CLASP2: variants seen among roughly 807,000 people sequenced by gnomAD.
CLASP2 encodes CLIP-associating protein 2.
CLASP2 carries 47 observed loss-of-function variants against 194.4 expected under a neutral mutation model. The observed-to-expected ratio is 0.24, with a 90% CI of 0.19 to 0.31. The LOEUF is 0.31. CLASP2 is among the 10% of genes least tolerant of loss of function. The pLI is 1.00. For synonymous variants in CLASP2, 619 were observed against 633.5 expected (o/e 0.98, Z 0.34); for missense variants, 1,445 against 1,823.6 (o/e 0.79, Z 3.78).
chr3:33,692,395 T>G (rs1280332455), intron 2 of CLASP2, among the ~76,000 whole-genome samples: 2 of 152,172 alleles, frequency 1.3e-5, no homozygotes, highest in East Asian at 3.8e-4. Context: ...CACTTTAATA[T>G]TAAAAACCAT....
In CLASP2 at chr3:33,604,050, A is replaced by C. The variant is rs1002426334; in HGVS notation, c.1750+104T>G. 8.6e-6 allele frequency: 7 copies of C among 809,294 alleles called. No individual in the cohort carries two copies. In the African/African-American group the frequency reaches 8.7e-5, roughly 10 times the overall value. 50.1% of individuals were successfully genotyped at this position (809,294 alleles called of 1,614,324 possible). A position where few individuals can be genotyped will look rare whatever the true frequency, so the allele number is the denominator to read the frequency against. On this transcript the variant is annotated intron_variant, in intron 17 of 38. Coordinates refer to ENST00000682230, the MANE Select transcript of CLASP2 (RefSeq NM_001365631.1). ...CAGTGCATATGTGTGGTACTGAGTT[A>C]CCAAGTAAAACGATCTTTTCACTAT... is the stretch of plus-strand genomic sequence containing the variant.
intron 8 of CLASP2, among the ~76,000 whole-genome samples, chr3:33,638,435 G>C (rs2080624290): frequency 6.6e-6 from 1 of 152,126 alleles, no homozygotes; most frequent in Non-Finnish European, 1.5e-5. Flanking sequence ...CTCCCGAATA[G>C]CTGGGACTAC....
At chr3:33,617,936 T>C (rs907404891) in intron 12 of CLASP2, among the ~76,000 whole-genome samples, 3 of 120,552 alleles carry the variant, frequency 2.5e-5, no homozygotes, top group African/African-American at 1.0e-4. Context: ...ATTATTATTA[T>C]ATATATATAT....
intron 24 of CLASP2, among the ~76,000 whole-genome samples, 170 bp downstream of exon 24, chr3:33,575,999 A>C (rs2064799851): frequency 6.6e-6 from 1 of 152,210 alleles, no homozygotes; most frequent in Admixed American, 6.5e-5. Flanking sequence ...ATTCTGATTA[A>C]TAAGGATCAA....
chr3:33,496,666 A>G lies in CLASP2; in HGVS notation c.*1965T>C, dbSNP rs879084192. On this transcript the variant is annotated 3_prime_UTR_variant, in exon 39 of 39. Transcript: ENST00000682230. ...CTTAAGTCACTCTACTTGGTTGTCA[A>G]CAGTAGTTAAAGCAGTATCTTAAAC... is the stretch of plus-strand genomic sequence containing the variant. 2 of 152,204 alleles carry G rather than the reference A, an allele frequency of 1.3e-5. No homozygotes were observed. Among genetic ancestry groups the G allele is most frequent in the East Asian group, 3.9e-4 (2 of 5,194 alleles). The allele number at this position is 152,204 out of a possible 1,614,324, so 9.4% of individuals were successfully genotyped here. A position where few individuals can be genotyped will look rare whatever the true frequency, so the allele number is the denominator to read the frequency against.
chr3:33,580,232 T>C lies in CLASP2; in HGVS notation c.2347+1589A>G, dbSNP rs1274961697. Among the ~76,000 whole-genome samples, 6 of 152,170 alleles carry C rather than the reference T, an allele frequency of 3.9e-5. No individual in the cohort carries two copies. In the East Asian group the frequency reaches 7.7e-4, roughly 20 times the overall value. On this transcript the variant is annotated intron_variant, in intron 23 of 38. Coordinates refer to ENST00000682230, the MANE Select transcript of CLASP2 (RefSeq NM_001365631.1). ...GTCAGTACAAAAAAGCCTAGTATAT[T>C]TGAGCCAAATGGCCCAGAGAATGAG...
At chr3:33,571,014 A>ATTTTTTTTTTTTTTTTTTTTTTT (rs1276472825) in intron 25 of CLASP2, among the ~76,000 whole-genome samples, 2 of 127,742 alleles carry the variant, frequency 1.6e-5, no homozygotes, top group African/African-American at 3.0e-5. Flanking sequence ...TGTCTCTATA[A>ATTTTTTTTTTTTTTTTTTTTTTT]ATTTTTTTTT....
At chr3:33,557,127 T>C (rs2061088648) in intron 29 of CLASP2, among the ~76,000 whole-genome samples, 1 of 151,318 alleles carries the variant, frequency 6.6e-6, no homozygotes, top group South Asian at 2.1e-4. Context: ...GTGCCCAACA[T>C]CACCCCTGGC....
chr3:33,712,339 T>C (rs918322081), intron 1 of CLASP2, among the ~76,000 whole-genome samples: 1 of 152,000 alleles, frequency 6.6e-6, no homozygotes, highest in African/African-American at 2.4e-5. Flanking sequence ...TAAAATAAAC[T>C]TTGGGGATTC....
chr3:33,501,888 T>C (rs2046931359), intron 37 of CLASP2, 120 bp from the exon 38 acceptor site: 1 of 673,330 alleles, frequency 1.5e-6, no homozygotes. Flanking sequence ...GAGAGAAAAG[T>C]GCAGATCAAA....
At chr3:33,552,247 T>C (rs1381909138) in intron 29 of CLASP2, among the ~76,000 whole-genome samples, 1 of 151,648 alleles carries the variant, frequency 6.6e-6, no homozygotes, top group Admixed American at 6.6e-5. Context: ...GCCTCCCAAG[T>C]AGCCGGAATT....
intron 16 of CLASP2, among the ~76,000 whole-genome samples, chr3:33,605,195 T>C (rs2073490014): frequency 1.3e-5 from 2 of 152,048 alleles, no homozygotes; most frequent in Non-Finnish European, 2.9e-5. Context: ...ATGAAAAATC[T>C]CAGGCCCCAC....
intron 12 of CLASP2, among the ~76,000 whole-genome samples, chr3:33,617,284 C>T (rs1236612352): frequency 6.6e-6 from 1 of 151,926 alleles, no homozygotes; most frequent in Non-Finnish European, 1.5e-5. Flanking sequence ...ACTGAAAACA[C>T]ATTTAAGAAA....
chr3:33,536,466 T>G (rs1472975005), intron 33 of CLASP2, among the ~76,000 whole-genome samples: 2 of 152,002 alleles, frequency 1.3e-5, no homozygotes, highest in Non-Finnish European at 2.9e-5. Context: ...AAACAGCCAA[T>G]ACACAGATCC....
Position 33,516,940 on chromosome 3 carries a change from AC to A in CLASP2, c.3981+40del, listed in dbSNP as rs749755563. On this transcript the variant is annotated intron_variant, in intron 35 of 38. Coordinates refer to ENST00000682230, the MANE Select transcript of CLASP2 (RefSeq NM_001365631.1). ...TAGATTAACAGGCAATGTAAAAGAGACAGGAAGGAAAGGCTACTGTTTACAT... is the reference window on the plus strand; with the variant it reads ...TAGATTAACAGGCAATGTAAAAGAGAAGGAAGGAAAGGCTACTGTTTACAT... The A allele has an allele frequency of 2.0e-6, 3 of 1,521,244 alleles. No homozygotes were observed. In the African/African-American group the frequency reaches 4.2e-5, roughly 21 times the overall value. The allele number at this position is 1,521,244 out of a possible 1,614,324, so 94.2% of individuals were successfully genotyped here.
chr3:33,627,122 T>C (rs2078185988), intron 9 of CLASP2, 42 bp from the exon 10 acceptor site: 11 of 1,172,546 alleles, frequency 9.4e-6, no homozygotes, highest in Non-Finnish European at 1.1e-5. Context: ...TTTCTTGCCA[T>C]GAACAATATC....
intron 18 of CLASP2, chr3:33,602,526 T>A: frequency 2.6e-6 from 2 of 761,524 alleles, no homozygotes; most frequent in Non-Finnish European, 4.8e-6. Flanking sequence ...GAATATATGT[T>A]TAGGGTTTGG....
At chr3:33,607,169 A>G (rs1409248617) in intron 15 of CLASP2, among the ~76,000 whole-genome samples, 1 of 152,244 alleles carries the variant, frequency 6.6e-6, no homozygotes, top group Non-Finnish European at 1.5e-5. Context: ...TGAATAGGTT[A>G]TGACAAAAAA....
Position 33,718,053 on chromosome 3 carries a change from G to A in CLASP2, c.-51C>T, listed in dbSNP as rs566182642. The A allele has an allele frequency of 6.3e-6, 9 of 1,438,912 alleles. No individual in the cohort carries two copies. In the South Asian group the frequency reaches 1.2e-4, roughly 19 times the overall value. 89.1% of individuals were successfully genotyped at this position (1,438,912 alleles called of 1,614,324 possible). A position where few individuals can be genotyped will look rare whatever the true frequency, so the allele number is the denominator to read the frequency against. On this transcript the variant is annotated 5_prime_UTR_variant, in exon 1 of 39. Transcript: ENST00000682230. The stretch of plus-strand genomic sequence containing the variant: ...AGTCTGTGAGCGGCCAACTTTCGCC[G>A]AGAGCCGCCCAGCCTCCAGTGCGGG...
Sources: allele counts gnomAD v4.1 joint callset (sites outside exome capture counted in the v4.1 genomes callset), GRCh38; gene constraint gnomAD v4.1.1; transcripts MANE v1.5; gene names NCBI Gene and HGNC (gene_info 2026-07-23, HGNC 2026-07-21).